ELF5: variants seen among roughly 807,000 people sequenced by gnomAD.
The protein encoded by ELF5 is E74 like ETS transcription factor 5.
In ELF5, 31 loss-of-function variants were observed where a neutral mutation model predicts 38.2. That is an observed-to-expected ratio of 0.81 (90% confidence interval 0.61 to 1.10). The LOEUF (loss-of-function observed/expected upper bound fraction) is 1.10, where lower values mean the gene tolerates loss of function less well. Among genes scored for constraint, ELF5 ranks in the 50% least tolerant of loss-of-function variants. ELF5 has a pLI of 0.00. For missense variants in ELF5, 300 were observed against 306.6 expected (o/e 0.98, Z 0.16); for synonymous variants, 121 against 112.5 (o/e 1.08, Z -0.48).
At chr11:34,489,768 C>G (rs1040894097) in intron 4 of ELF5, among the ~76,000 whole-genome samples, 2 of 152,168 alleles carry the variant, frequency 1.3e-5, no homozygotes, top group Non-Finnish European at 2.9e-5. Flanking sequence ...CACTATTTTA[C>G]AGATAGGGGA....
At chr11:34,500,882 A>G (rs1850447916) in intron 2 of ELF5, among the ~76,000 whole-genome samples, 1 of 151,700 alleles carries the variant, frequency 6.6e-6, no homozygotes, top group Non-Finnish European at 1.5e-5. Flanking sequence ...TTTTTTTCTT[A>G]CAAAAAGTGC....
At chr11:34,483,991 GTACTA>G (rs1590321032) in intron 4 of ELF5, among the ~76,000 whole-genome samples, 2 of 151,174 alleles carry the variant, frequency 1.3e-5, no homozygotes, top group Non-Finnish European at 1.5e-5. Flanking sequence ...ACACTATACT[GTACTA>G]TACTATATTA....
chr11:34,498,247 T>A (rs572773771), intron 2 of ELF5, among the ~76,000 whole-genome samples: 3 of 152,324 alleles, frequency 2.0e-5, no homozygotes, highest in African/African-American at 7.2e-5. Flanking sequence ...GCCAGGCATA[T>A]GGCAAGTGCT....
intron 2 of ELF5, among the ~76,000 whole-genome samples, chr11:34,501,020 T>C (rs1203548746): frequency 2.0e-5 from 3 of 152,232 alleles, no homozygotes; most frequent in Non-Finnish European, 1.5e-5. Flanking sequence ...CACAATGCTA[T>C]GAAGTCCTCT....
intron 5 of ELF5, among the ~76,000 whole-genome samples, 170 bp from the exon 6 acceptor site, chr11:34,481,137 C>T (rs567769300): frequency 2.0e-5 from 3 of 152,148 alleles, no homozygotes; most frequent in East Asian, 3.9e-4. Flanking sequence ...ATTCTTCTGC[C>T]TCAGCCTCCC....
intron 3 of ELF5, among the ~76,000 whole-genome samples, chr11:34,490,451 G>A (rs1055814815): frequency 2.0e-5 from 3 of 152,094 alleles, no homozygotes; most frequent in Non-Finnish European, 2.9e-5. Flanking sequence ...TTGACATCAC[G>A]AGATAAAATA....
chr11:34,499,144 GA>G lies in ELF5; in HGVS notation c.122-5433del, dbSNP rs567327431. 1.6e-4 allele frequency among the ~76,000 whole-genome samples: 24 copies of G among 152,120 alleles called. No individual in the cohort carries two copies. The East Asian group carries it at 3.9e-3, about 24-fold the overall frequency. On this transcript the variant is annotated intron_variant, in intron 2 of 6. Coordinates refer to ENST00000257832, the MANE Select transcript of ELF5 (RefSeq NM_001422.4). ...GTCCTTTGGCCATCTCTTCCAAATG[GA>G]TTGTTGTCCCTAAGCCCTTCCTATA...
chr11:34,509,049 G>A (rs371721252), intron 1 of ELF5, among the ~76,000 whole-genome samples: 23 of 152,272 alleles, frequency 1.5e-4, no homozygotes, highest in Middle Eastern at 3.4e-3. Flanking sequence ...TGCATGAGAC[G>A]CCGGGTGCGG....
rs942003530 is a variant in ELF5, at chr11:34,479,764, A to T, written c.*454T>A. On this transcript the variant is annotated 3_prime_UTR_variant, in exon 7 of 7. Coordinates refer to ENST00000257832, the MANE Select transcript of ELF5 (RefSeq NM_001422.4). ...AAAATCTAAAGTATGTATGTCTTAT[A>T]TCTCACCCTCTCCTACCATAACCTG... 1 of 155,596 alleles carries T rather than the reference A, an allele frequency of 6.4e-6. No homozygotes were observed. The highest frequency in any genetic ancestry group is 1.4e-5 in the Non-Finnish European group (1 of 70,306). The allele number at this position is 155,596 out of a possible 1,614,324, so 9.6% of individuals were successfully genotyped here.
At chr11:34,504,470 T>C (rs2133898913) in intron 2 of ELF5, among the ~76,000 whole-genome samples, 1 of 152,138 alleles carries the variant, frequency 6.6e-6, no homozygotes, top group African/African-American at 2.4e-5. Flanking sequence ...GATTGCATTA[T>C]GTAGGTAAGT....
At chr11:34,499,397 A>G (rs1198429451) in intron 2 of ELF5, among the ~76,000 whole-genome samples, 1 of 151,906 alleles carries the variant, frequency 6.6e-6, no homozygotes, top group Admixed American at 6.6e-5. Context: ...GTGCAACACC[A>G]TGCATGGCTA....
At chr11:34,491,466 T>C (rs2133882747) in intron 3 of ELF5, 1 of 152,196 alleles carries the variant, frequency 6.6e-6, no homozygotes, top group South Asian at 2.1e-4. Context: ...ATTGCAGGAA[T>C]TCCTTACAAT....
rs373053137 is a variant in ELF5 at position 34,505,597 on chromosome 11, G to A, written c.121+32C>T. The stretch of plus-strand genomic sequence containing the variant: ...CCTCCTGCCCTAGCCCATCCTGGCT[G>A]CACTCAGATGGGCTCCTTCAAATGT... On this transcript the variant is annotated intron_variant, in intron 2 of 6. Coordinates refer to ENST00000257832, the MANE Select transcript of ELF5 (RefSeq NM_001422.4). The A allele has an allele frequency of 3.5e-5, 56 of 1,611,766 alleles. No individual in the cohort carries two copies. The African/African-American group carries it at 7.1e-4, about 20-fold the overall frequency.
intron 2 of ELF5, among the ~76,000 whole-genome samples, chr11:34,498,678 T>C (rs1161685704): frequency 6.6e-6 from 1 of 152,198 alleles, no homozygotes; most frequent in Non-Finnish European, 1.5e-5. Flanking sequence ...TAATTGAAAG[T>C]CACATAATAT....
chr11:34,510,309 G>T (rs367893941), intron 1 of ELF5, among the ~76,000 whole-genome samples: 1 of 143,462 alleles, frequency 7.0e-6, no homozygotes, highest in African/African-American at 2.5e-5. Context: ...GCAGAAAAAG[G>T]TGTTTTTTTT....
At chr11:34,489,838 C>T (rs1850115097) in intron 4 of ELF5, among the ~76,000 whole-genome samples, 171 bp downstream of exon 4, 1 of 151,630 alleles carries the variant, frequency 6.6e-6, no homozygotes, top group Non-Finnish European at 1.5e-5. Context: ...AGACCCACAC[C>T]CACGCTCTTT....
At chr11:34,481,129 T>C (rs941557356) in intron 5 of ELF5, among the ~76,000 whole-genome samples, 162 bp from the exon 6 acceptor site, 1 of 152,078 alleles carries the variant, frequency 6.6e-6, no homozygotes, top group Non-Finnish European at 1.5e-5. Context: ...TTCAAGCGAT[T>C]CTTCTGCCTC....
chr11:34,483,021 C>A (rs958771748), intron 4 of ELF5, among the ~76,000 whole-genome samples: 2 of 151,952 alleles, frequency 1.3e-5, no homozygotes, highest in Non-Finnish European at 2.9e-5. Flanking sequence ...AATGGTGGCA[C>A]CAGATCTGCC....
chr11:34,491,986 G>T (rs1017721030), intron 3 of ELF5: 1 of 152,216 alleles, frequency 6.6e-6, no homozygotes, highest in African/African-American at 2.4e-5. Flanking sequence ...GGAGACAAAT[G>T]AGGTTGACTT....
Sources: allele counts gnomAD v4.1 joint callset (sites outside exome capture counted in the v4.1 genomes callset), GRCh38; gene constraint gnomAD v4.1.1; transcripts MANE v1.5; gene names NCBI Gene and HGNC (gene_info 2026-07-23, HGNC 2026-07-21).